The following NLRP8 variants were observed in gnomAD, a reference collection of about 807,000 sequenced individuals.
NLRP8 encodes the protein NLR family pyrin domain containing 8, also known as NACHT, LRR and PYD domains-containing protein 8.
NLRP8 carries 86 observed loss-of-function variants against 88.7 expected under a neutral mutation model. The ratio of observed to expected loss-of-function variants is 0.97; its 90% confidence interval spans 0.81 to 1.16. The LOEUF is 1.16. Ranked by LOEUF, NLRP8 falls within the 50% of genes most tolerant of loss-of-function variation. The pLI, the probability that NLRP8 is intolerant of heterozygous loss-of-function variation, is 0.00. For synonymous variants in NLRP8, 504 were observed against 494.6 expected, an observed-to-expected ratio of 1.02 and a Z score of -0.25; for missense variants, 1,342 against 1,286.5, an observed-to-expected ratio of 1.04 and a Z score of -0.66.
rs200584813 is a variant in NLRP8, at chr19:55,983,592, GA to G, written c.3047+4031del. On this transcript the variant is annotated intron_variant, in intron 9 of 9. Transcript: ENST00000291971. ...ACATGAGTCTTTAAGGTTCTCCCCA[GA>G]AACTACATGTGAATTACAAAGTAAG... is the stretch of plus-strand genomic sequence containing the variant. Among the ~76,000 whole-genome samples the G allele has an allele frequency of 1.8e-3, 278 of 151,650 alleles. 11 individuals carry two copies. The East Asian group carries it at 0.045, about 24-fold the overall frequency.
chr19:55,973,669 T>C lies in NLRP8; in HGVS notation c.2552T>C (p.Leu851Pro). Residue 851 changes from leucine (L) to proline (P), a missense_variant, in exon 7 of 10, where the codon CTT (leucine) becomes CCT (proline). Leu to Pro is a moderately conservative substitution (Grantham distance 98). Coordinates refer to ENST00000291971, the MANE Select transcript of NLRP8 (RefSeq NM_176811.2). Reference sequence around the variant, plus strand: ...TCCCATAGGATAGAGAACTGCAACCTTACACAGCTTACTTGTGAAAGCCTT... The same window carrying C: ...TCCCATAGGATAGAGAACTGCAACCCTACACAGCTTACTTGTGAAAGCCTT... 1 of 1,613,028 alleles carries C rather than the reference T, an allele frequency of 6.2e-7. No homozygotes were observed. The highest frequency in any genetic ancestry group is 1.7e-4 in the Middle Eastern group (1 of 6,056).
At chr19:55,961,963 G>A (rs1221211706) in intron 3 of NLRP8, 104 bp from the exon 4 acceptor site, 1 of 1,068,154 alleles carries the variant, frequency 9.4e-7, no homozygotes, top group Non-Finnish European at 1.4e-6. Context: ...GTCACTAGAG[G>A]CCTATGGCCC....
intron 3 of NLRP8, 104 bp downstream of exon 3, chr19:55,956,204 T>C (rs1419291685): frequency 7.6e-6 from 9 of 1,185,598 alleles, no homozygotes; most frequent in Non-Finnish European, 1.1e-5. Context: ...TCTGATCTCT[T>C]TCCTAGCCTA....
At chr19:55,957,527 AAC>A (rs1360808205) in intron 3 of NLRP8, among the ~76,000 whole-genome samples, 1 of 151,832 alleles carries the variant, frequency 6.6e-6, no homozygotes, top group African/African-American at 2.4e-5. Flanking sequence ...TTCTACTAAA[AAC>A]ACAAAAATTA....
chr19:55,955,768 C>A lies in NLRP8; in HGVS notation c.1710C>A (p.Ala570=), dbSNP rs764544002. 1 of 1,614,146 alleles carries A rather than the reference C, an allele frequency of 6.2e-7. No individual in the cohort carries two copies. Among genetic ancestry groups the A allele is most frequent in the Admixed American group, 1.7e-5 (1 of 60,012 alleles). ...TTCTGAACGAGGCCTGCGCTTCGGC[C>A]GTGGAACAGTCATTCCAATGCAAGG... is the stretch of plus-strand genomic sequence containing the variant. Residue 570 remains alanine, a synonymous_variant, in exon 3 of 10, where the codon GCC becomes GCA. Transcript: ENST00000291971.
intron 9 of NLRP8, among the ~76,000 whole-genome samples, chr19:55,980,759 C>G (rs749549752): frequency 1.2e-4 from 19 of 152,140 alleles, no homozygotes; most frequent in Non-Finnish European, 2.5e-4. Context: ...AGTGGCGTCC[C>G]ATCACGTCTG....
At chr19:55,960,747 A>G (rs1979570826) in intron 3 of NLRP8, among the ~76,000 whole-genome samples, 1 of 152,138 alleles carries the variant, frequency 6.6e-6, no homozygotes. Context: ...GCTAGTGTAA[A>G]TATTCTAAAA....
At chr19:55,957,680 T>A (rs1171153737) in intron 3 of NLRP8, among the ~76,000 whole-genome samples, 2 of 1,756 alleles carry the variant, frequency 1.1e-3, no homozygotes, top group African/African-American at 1.8e-3. Flanking sequence ...TAATTATATA[T>A]ATATATATAT....
Position 55,956,369 on chromosome 19 carries a change from G to A in NLRP8, c.2042+269G>A, listed in dbSNP as rs306500. ...AGCGATTCTCCTGCCTCAGCCTCCC[G>A]AGTAGCTAGGATTACAAACGCATGC... On this transcript the variant is annotated intron_variant, in intron 3 of 9. Coordinates refer to ENST00000291971, the MANE Select transcript of NLRP8 (RefSeq NM_176811.2). Among the ~76,000 whole-genome samples the A allele has an allele frequency of 0.36, 54,286 of 151,544 alleles. 10,108 individuals carry two copies. The highest frequency in any genetic ancestry group is 0.55 in the East Asian group (2,804 of 5,096).
Position 55,988,061 on chromosome 19 carries a change from A to G in NLRP8, c.*148A>G. ...CAACACCACAGAACCTCAGCTTTGA[A>G]CCCTGGAGTGAGGACGGTGATGCCC... is the stretch of plus-strand genomic sequence containing the variant. On this transcript the variant is annotated 3_prime_UTR_variant, in exon 10 of 10. Transcript: ENST00000291971. 1.6e-6 allele frequency: 1 copy of G among 634,902 alleles called. No homozygotes were observed. The highest frequency in any genetic ancestry group is 1.8e-5 in the South Asian group (1 of 56,814). 39.3% of individuals were successfully genotyped at this position (634,902 alleles called of 1,614,324 possible). A position where few individuals can be genotyped will look rare whatever the true frequency, so the allele number is the denominator to read the frequency against.
At chr19:55,984,252 A>G (rs1014489314) in intron 9 of NLRP8, among the ~76,000 whole-genome samples, 2 of 152,056 alleles carry the variant, frequency 1.3e-5, no homozygotes, top group African/African-American at 4.8e-5. Context: ...TCCCACACAC[A>G]ACAACTCGAT....
intron 8 of NLRP8, 68 bp from the exon 9 acceptor site, chr19:55,979,326 C>T: frequency 6.4e-7 from 1 of 1,557,838 alleles, no homozygotes; most frequent in Non-Finnish European, 8.8e-7. Flanking sequence ...TAAGCCGTCA[C>T]ACCGGCTGAG....
chr19:55,987,230 C>T (rs375711969), intron 9 of NLRP8, among the ~76,000 whole-genome samples: 3 of 152,278 alleles, frequency 2.0e-5, no homozygotes, highest in Admixed American at 6.5e-5. Context: ...ATGAGCTGGG[C>T]GTGGTGGCAT....
intron 5 of NLRP8, 55 bp from the exon 6 acceptor site, chr19:55,970,489 A>G (rs944964927): frequency 3.1e-6 from 5 of 1,594,474 alleles, no homozygotes; most frequent in African/African-American, 2.7e-5. Context: ...AGGAGGTCCT[A>G]CAGGTACCAT....
At chr19:55,969,104 GGTTT>G (rs1979965195) in intron 5 of NLRP8, among the ~76,000 whole-genome samples, 1 of 152,002 alleles carries the variant, frequency 6.6e-6, no homozygotes, top group African/African-American at 2.4e-5. Flanking sequence ...GTACTTTTTT[GGTTT>G]GTTTGTTTAT....
In NLRP8 at chr19:55,988,201, G is replaced by T. The variant is rs1239921463; in HGVS notation, c.*288G>T. The T allele has an allele frequency of 1.5e-5, 3 of 193,656 alleles. No homozygotes were observed. The highest frequency in any genetic ancestry group is 3.1e-5 in the Non-Finnish European group (3 of 95,434). The allele number at this position is 193,656 out of a possible 1,614,324, so 12.0% of individuals were successfully genotyped here. A position where few individuals can be genotyped will look rare whatever the true frequency, so the allele number is the denominator to read the frequency against. ...GAGGTCAGGAGTTCCAGACCAGCCTGGCCAACATGGTGAAACCCCGCCTCT... is the reference window on the plus strand; with the variant it reads ...GAGGTCAGGAGTTCCAGACCAGCCTTGCCAACATGGTGAAACCCCGCCTCT... On this transcript the variant is annotated 3_prime_UTR_variant, in exon 10 of 10. Transcript: ENST00000291971.
At chr19:55,978,466 G>A (rs1049064443) in intron 8 of NLRP8, among the ~76,000 whole-genome samples, 4 of 152,010 alleles carry the variant, frequency 2.6e-5, no homozygotes, top group African/African-American at 9.7e-5. Flanking sequence ...TGCATCTGGT[G>A]AGAGCCTTAG....
At chr19:55,961,992 C>G in intron 3 of NLRP8, 75 bp from the exon 4 acceptor site, 1 of 1,509,720 alleles carries the variant, frequency 6.6e-7, no homozygotes, top group Non-Finnish European at 9.0e-7. Context: ...ATAGGGAACA[C>G]CAGCCCTGGG....
At chr19:55,957,250 C>T (rs1600300550) in intron 3 of NLRP8, among the ~76,000 whole-genome samples, 1 of 152,148 alleles carries the variant, frequency 6.6e-6, no homozygotes, top group Non-Finnish European at 1.5e-5. Context: ...GCTGGTGTGA[C>T]CGAGTGAATG....
Sources: gnomAD v4.1 joint callset for allele counts (sites outside exome capture counted in the v4.1 genomes callset) on GRCh38, gnomAD v4.1.1 for gene constraint, MANE v1.5 for transcripts, NCBI Gene and HGNC (gene_info 2026-07-23, HGNC 2026-07-21) for gene names.